Variants in EPHB2 observed in about 807,000 individuals in gnomAD.
The protein encoded by EPHB2 is ephrin type-B receptor 2.
In EPHB2, 18 loss-of-function variants were observed where a neutral mutation model predicts 96.4. That is an observed-to-expected ratio of 0.19 (90% CI 0.13 to 0.28). The LOEUF (loss-of-function observed/expected upper bound fraction) is 0.28, where lower values mean the gene tolerates loss of function less well. Ranked by LOEUF, EPHB2 falls within the 10% of genes least tolerant of loss-of-function variation. The probability of loss-of-function intolerance (pLI) is 1.00; values close to 1 mark genes in which losing one functional copy is unlikely to be tolerated. For synonymous variants in EPHB2, 506 were observed against 534.1 expected, an observed-to-expected ratio of 0.95 and a Z score of 0.72; for missense variants, 989 against 1,355.4, an observed-to-expected ratio of 0.73 and a Z score of 4.25.
chr1:22,854,808 G>T (rs1645675948), intron 3 of EPHB2, among the ~76,000 whole-genome samples: 1 of 152,170 alleles, frequency 6.6e-6, no homozygotes, highest in African/African-American at 2.4e-5. Context: ...AGGAGGACCA[G>T]GCATCATGCC....
chr1:22,793,317 C>G (rs1644721800), intron 3 of EPHB2, among the ~76,000 whole-genome samples: 1 of 152,158 alleles, frequency 6.6e-6, no homozygotes. Flanking sequence ...TCCGTACCGT[C>G]CCTCGGGCTG....
chr1:22,734,874 A>G lies in EPHB2; in HGVS notation c.61+23831A>G, dbSNP rs138594639. On this transcript the variant is annotated intron_variant, in intron 1 of 15. Transcript: ENST00000374630. Reference sequence around the variant, plus strand: ...AAATTCAGGGGACTTACAGATTACAAGCCTCTGTTGTGTTGCTCCATGGTA... The same window carrying G: ...AAATTCAGGGGACTTACAGATTACAGGCCTCTGTTGTGTTGCTCCATGGTA... Among the ~76,000 whole-genome samples, 136 of 152,322 alleles carry G rather than the reference A, an allele frequency of 8.9e-4. 1 individual carries two copies. The highest frequency in any genetic ancestry group is 3.3e-3 in the African/African-American group (136 of 41,576).
intron 3 of EPHB2, chr1:22,836,741 C>G (rs1430694989): frequency 6.6e-6 from 1 of 152,516 alleles, no homozygotes; most frequent in Non-Finnish European, 1.5e-5. Context: ...TAGCATGCAC[C>G]AGGGCCAGGA....
intron 3 of EPHB2, 122 bp downstream of exon 3, chr1:22,785,198 G>A: frequency 7.9e-7 from 1 of 1,266,058 alleles, no homozygotes; most frequent in African/African-American, 1.5e-5. Context: ...GCACTCTAGG[G>A]CCAGGGTTTC....
At chr1:22,740,522 A>G (rs1438425202) in intron 1 of EPHB2, among the ~76,000 whole-genome samples, 1 of 152,106 alleles carries the variant, frequency 6.6e-6, no homozygotes, top group Non-Finnish European at 1.5e-5. Context: ...AGCATTGAGT[A>G]AGCATGCCCT....
intron 3 of EPHB2, among the ~76,000 whole-genome samples, chr1:22,799,707 A>G (rs941525198): frequency 1.3e-5 from 2 of 152,186 alleles, no homozygotes; most frequent in Non-Finnish European, 2.9e-5. Context: ...AGTGGTTGTC[A>G]CTGAACACAG....
At chr1:22,898,516 C>A (rs1165497822) in intron 9 of EPHB2, among the ~76,000 whole-genome samples, 1 of 152,172 alleles carries the variant, frequency 6.6e-6, no homozygotes, top group African/African-American at 2.4e-5. Flanking sequence ...TTGAGGGAGT[C>A]CAACGTGCAG....
At chr1:22,877,021 G>A (rs1044560423) in intron 5 of EPHB2, among the ~76,000 whole-genome samples, 4 of 152,182 alleles carry the variant, frequency 2.6e-5, no homozygotes, top group Non-Finnish European at 5.9e-5. Context: ...GGCGGGCCGG[G>A]TGGGTGGTAG....
intron 3 of EPHB2, among the ~76,000 whole-genome samples, chr1:22,797,905 T>A (rs1003848775): frequency 6.6e-6 from 1 of 152,158 alleles, no homozygotes; most frequent in Non-Finnish European, 1.5e-5. Flanking sequence ...CATCGTCTTC[T>A]TCAGGTCTCT....
chr1:22,911,229 C>T (rs1640094616), intron 14 of EPHB2, among the ~76,000 whole-genome samples: 1 of 152,130 alleles, frequency 6.6e-6, no homozygotes. Flanking sequence ...ATGCCTGTCA[C>T]TAAGTTTCCT....
intron 9 of EPHB2, among the ~76,000 whole-genome samples, chr1:22,898,135 CAAAAG>C (rs1639628956): frequency 7.2e-6 from 1 of 138,352 alleles, no homozygotes; most frequent in African/African-American, 2.8e-5. Flanking sequence ...AAAAAAAAAA[CAAAAG>C]AAAAAAGAAG....
At chr1:22,890,607 A>G (rs574651557) in intron 6 of EPHB2, among the ~76,000 whole-genome samples, 1 of 151,856 alleles carries the variant, frequency 6.6e-6, no homozygotes, top group Non-Finnish European at 1.5e-5. Context: ...TCCTGACTTC[A>G]CCTGGTAGCC....
intron 3 of EPHB2, among the ~76,000 whole-genome samples, chr1:22,823,259 C>T (rs1040075191): frequency 1.3e-5 from 2 of 152,220 alleles, no homozygotes; most frequent in African/African-American, 4.8e-5. Context: ...ATGTAGCTAA[C>T]CTGGCCCATC....
chr1:22,784,485 C>T lies in EPHB2; in HGVS notation c.220C>T (p.Arg74Trp), dbSNP rs372282301. ...TGAGTCAAGCCAGAACAACTGGCTACGGACCAAGTTTATCCGGCGCCGTGG... is the reference window on the plus strand; with the variant it reads ...TGAGTCAAGCCAGAACAACTGGCTATGGACCAAGTTTATCCGGCGCCGTGG... ...VFESSQNNWLRTKFIRRRGAH... is the reference protein window; with the variant it reads ...VFESSQNNWLWTKFIRRRGAH... The change falls in exon 3 of 16, where the codon CGG (arginine) becomes TGG (tryptophan). Residue 74 changes from arginine to tryptophan, a missense_variant. Coordinates refer to ENST00000374630, the MANE Select transcript of EPHB2 (RefSeq NM_017449.5). This position sits in a 1 kb window ranked among gnomAD's most constrained non-coding sequence, Gnocchi z 5.1. The T allele has an allele frequency of 9.9e-6, 16 of 1,613,952 alleles. No individual in the cohort carries two copies. The highest frequency in any genetic ancestry group is 4.5e-5 in the East Asian group (2 of 44,884).
rs778010315 is a variant in EPHB2 at position 22,785,045 on chromosome 1, C to T, written c.780C>T (p.Phe260=). ...PIGRCMCKAG[F]EAVENGTVCR... Reference sequence around the variant, plus strand: ...GGCGCTGCATGTGCAAAGCAGGCTTCGAGGCCGTTGAGAATGGCACCGTCT... The same window carrying T: ...GGCGCTGCATGTGCAAAGCAGGCTTTGAGGCCGTTGAGAATGGCACCGTCT... The change falls in exon 3 of 16, where the codon TTC becomes TTT. Residue 260 remains phenylalanine (F), a synonymous_variant. Transcript: ENST00000374630. 2.4e-5 allele frequency: 39 copies of T among 1,613,492 alleles called. No homozygotes were observed. The highest frequency in any genetic ancestry group is 3.0e-5 in the Non-Finnish European group (35 of 1,180,054).
chr1:22,873,018 T>A (rs775748344), intron 5 of EPHB2, among the ~76,000 whole-genome samples: 1 of 152,266 alleles, frequency 6.6e-6, no homozygotes, highest in Admixed American at 6.5e-5. Flanking sequence ...AAGGCATTGC[T>A]GACCTAGAGT....
chr1:22,757,874 A>C (rs1644175153), intron 1 of EPHB2, among the ~76,000 whole-genome samples: 1 of 150,502 alleles, frequency 6.6e-6, no homozygotes, highest in African/African-American at 2.4e-5. Context: ...CCAGCAAAAA[A>C]AAATCAGACC....
rs570052529 is a variant in EPHB2, at chr1:22,756,432, C to T, written c.62-24989C>T. The stretch of plus-strand genomic sequence containing the variant: ...GACCTCATGGTCCTGGGCCCTGACC[C>T]GGCCCTGACCCTGAGTCCCGCCTGA... On this transcript the variant is annotated intron_variant, in intron 1 of 15. Transcript: ENST00000374630. Among the ~76,000 whole-genome samples, 27 of 152,200 alleles carry T rather than the reference C, an allele frequency of 1.8e-4. No homozygotes were observed. In the South Asian group the frequency reaches 5.4e-3, roughly 30 times the overall value.
chr1:22,812,059 C>T (rs2148462680), intron 3 of EPHB2, among the ~76,000 whole-genome samples: 1 of 152,348 alleles, frequency 6.6e-6, no homozygotes, highest in Non-Finnish European at 1.5e-5. Flanking sequence ...ATAAAAACCC[C>T]AGCCACAGCC....
Sources: allele counts gnomAD v4.1 joint callset (sites outside exome capture counted in the v4.1 genomes callset), GRCh38; gene constraint gnomAD v4.1.1; non-coding constraint Gnocchi (gnomAD v3.1); transcripts MANE v1.5; gene names NCBI Gene and HGNC (gene_info 2026-07-23, HGNC 2026-07-21).